Variants in CACNB2 observed in about 807,000 individuals in gnomAD.
The protein encoded by CACNB2 is voltage-dependent L-type calcium channel subunit beta-2.
In CACNB2, 42 loss-of-function variants were observed where a neutral mutation model predicts 73.3. The ratio of observed to expected loss-of-function variants is 0.57; its 90% CI spans 0.45 to 0.74. The LOEUF (loss-of-function observed/expected upper bound fraction) is 0.74. Among genes scored for constraint, CACNB2 ranks in the 30% least tolerant of loss-of-function variants. The pLI is 0.00. For synonymous variants in CACNB2, 348 were observed against 310.3 expected (o/e 1.12, Z -1.28); for missense variants, 940 against 853.0 (o/e 1.10, Z -1.27).
chr10:18,395,402 C>CT (rs2043669149), intron 2 of CACNB2, among the ~76,000 whole-genome samples: 1 of 152,056 alleles, frequency 6.6e-6, no homozygotes, highest in Non-Finnish European at 1.5e-5. Context: ...ATTATCTCAG[C>CT]TTTTTTTCTT....
chr10:18,320,569 G>A (rs968769925), intron 2 of CACNB2, among the ~76,000 whole-genome samples: 2 of 152,152 alleles, frequency 1.3e-5, no homozygotes, highest in Non-Finnish European at 2.9e-5. Context: ...TAGACTGCGG[G>A]GACATAATCC....
At chr10:18,471,467 T>C (rs2048183776) in intron 3 of CACNB2, among the ~76,000 whole-genome samples, 1 of 152,230 alleles carries the variant, frequency 6.6e-6, no homozygotes, top group Non-Finnish European at 1.5e-5. Context: ...AACCTAAAAA[T>C]TCGTCTTTGT....
At chr10:18,443,235 C>T (rs2046564049) in intron 3 of CACNB2, among the ~76,000 whole-genome samples, 2 of 151,728 alleles carry the variant, frequency 1.3e-5, no homozygotes, top group Non-Finnish European at 2.9e-5. Context: ...GACAGTGAAT[C>T]AGTGGGTCTG....
At chr10:18,474,316 C>T (rs370647072) in intron 3 of CACNB2, among the ~76,000 whole-genome samples, 4 of 152,224 alleles carry the variant, frequency 2.6e-5, no homozygotes, top group East Asian at 3.9e-4. Context: ...TCTGGCTCAA[C>T]GGTCACCCTC....
intron 2 of CACNB2, among the ~76,000 whole-genome samples, chr10:18,248,530 GAA>G (rs1156882576): frequency 3.9e-5 from 6 of 152,034 alleles, no homozygotes; most frequent in African/African-American, 1.2e-4. Context: ...AATCCAATAG[GAA>G]AAGAAAAATT....
chr10:18,236,903 G>A (rs1335122887), intron 2 of CACNB2, among the ~76,000 whole-genome samples: 1 of 152,158 alleles, frequency 6.6e-6, no homozygotes, highest in African/African-American at 2.4e-5. Flanking sequence ...CTTATCTATA[G>A]GGAATATGCT....
At chr10:18,254,496 G>C (rs1215375004) in intron 2 of CACNB2, among the ~76,000 whole-genome samples, 1 of 151,568 alleles carries the variant, frequency 6.6e-6, no homozygotes, top group Non-Finnish European at 1.5e-5. Context: ...AACAAATGTT[G>C]CCACTCTCAT....
At chr10:18,339,620 A>G (rs572622577) in intron 2 of CACNB2, among the ~76,000 whole-genome samples, 1 of 152,294 alleles carries the variant, frequency 6.6e-6, no homozygotes, top group South Asian at 2.1e-4. Context: ...GCCACGTAGG[A>G]CATATTTAAG....
At chr10:18,401,338 G>A (rs2043985095) in intron 2 of CACNB2, among the ~76,000 whole-genome samples, 1 of 152,146 alleles carries the variant, frequency 6.6e-6, no homozygotes. Context: ...TTAAATCTAG[G>A]TAAAGGTATT....
At chr10:18,407,023 T>C (rs536924011) in intron 3 of CACNB2, among the ~76,000 whole-genome samples, 25 of 151,800 alleles carry the variant, frequency 1.6e-4, no homozygotes, top group African/African-American at 5.8e-4. Flanking sequence ...ATTAGCTGGT[T>C]ATAGTATTCA....
At chr10:18,330,737 C>T (rs1337045733) in intron 2 of CACNB2, among the ~76,000 whole-genome samples, 7 of 149,878 alleles carry the variant, frequency 4.7e-5, no homozygotes, top group Non-Finnish European at 7.4e-5. Context: ...GGCATGATCT[C>T]GACTCACTGC....
chr10:18,512,485 A>C (rs1245920200), intron 6 of CACNB2, among the ~76,000 whole-genome samples: 1 of 152,100 alleles, frequency 6.6e-6, no homozygotes, highest in Non-Finnish European at 1.5e-5. Context: ...TGTCTGTTGC[A>C]ATTTTAGGGA....
chr10:18,395,818 C>T (rs892791181), intron 2 of CACNB2, among the ~76,000 whole-genome samples: 2 of 152,098 alleles, frequency 1.3e-5, no homozygotes, highest in South Asian at 2.1e-4. Flanking sequence ...TTTTCATCAT[C>T]GTATGAATTT....
intron 2 of CACNB2, among the ~76,000 whole-genome samples, chr10:18,300,205 A>T (rs2039452911): frequency 6.6e-6 from 1 of 152,060 alleles, no homozygotes; most frequent in Non-Finnish European, 1.5e-5. Flanking sequence ...TATTTTTAGT[A>T]GAGATGAGGT....
chr10:18,499,360 G>A (rs1304109341), intron 4 of CACNB2, among the ~76,000 whole-genome samples: 1 of 152,176 alleles, frequency 6.6e-6, no homozygotes, highest in Non-Finnish European at 1.5e-5. Flanking sequence ...GCTCATGCCT[G>A]TAATCCCAAC....
At position 18,476,207 on chromosome 10, in the gene CACNB2, C is replaced by T. The variant is rs1018227618; in HGVS notation, c.334-22148C>T. Among the ~76,000 whole-genome samples, 18 of 152,250 alleles carry T rather than the reference C, an allele frequency of 1.2e-4. 1 individual carries two copies. Among genetic ancestry groups the T allele is most frequent in the Admixed American group, 1.1e-3 (17 of 15,296 alleles). On this transcript the variant is annotated intron_variant, in intron 3 of 13. Transcript: ENST00000324631. ...CATTGCCATGGCATCTATAAACTGT[C>T]CTGGCACTGGTAGGAGTGTCTTTTA...
intron 2 of CACNB2, among the ~76,000 whole-genome samples, chr10:18,353,447 C>A (rs956474319): frequency 1.3e-5 from 2 of 151,950 alleles, no homozygotes; most frequent in Admixed American, 1.3e-4. Flanking sequence ...ATGAAACGTA[C>A]GTTTGTATGG....
chr10:18,427,104 C>T (rs562225708), intron 3 of CACNB2, among the ~76,000 whole-genome samples: 13 of 151,832 alleles, frequency 8.6e-5, no homozygotes, highest in South Asian at 2.1e-4. Context: ...TACAGGCATG[C>T]GCCACCACGC....
chr10:18,227,433 T>G (rs910669667), intron 2 of CACNB2, among the ~76,000 whole-genome samples: 15 of 151,990 alleles, frequency 9.9e-5, no homozygotes, highest in Admixed American at 6.6e-4. Flanking sequence ...CAGCTCGGAA[T>G]GAACTGATGG....
Sources: allele counts gnomAD v4.1 joint callset (sites outside exome capture counted in the v4.1 genomes callset), GRCh38; gene constraint gnomAD v4.1.1; transcripts MANE v1.5; gene names NCBI Gene and HGNC (gene_info 2026-07-23, HGNC 2026-07-21).